The following DPP10 variants were observed in gnomAD, a reference collection of about 807,000 sequenced individuals.
DPP10 encodes inactive dipeptidyl peptidase 10.
A neutral mutation model predicts 120.9 loss-of-function variants in DPP10; 33 were observed. That is an observed-to-expected ratio of 0.27 (90% CI 0.21 to 0.37). The LOEUF (loss-of-function observed/expected upper bound fraction) is 0.37, where lower values mean the gene tolerates loss of function less well. Ranked by LOEUF, DPP10 falls within the 10% of genes least tolerant of loss-of-function variation. DPP10 has a pLI of 1.00. For synonymous variants in DPP10, 337 were observed against 326.1 expected (o/e 1.03, Z -0.36); for missense variants, 816 against 942.8 (o/e 0.87, Z 1.76).
chr2:115,691,902 G>A (rs1643677861), intron 7 of DPP10, among the ~76,000 whole-genome samples: 1 of 151,954 alleles, frequency 6.6e-6, no homozygotes, highest in African/African-American at 2.4e-5. Flanking sequence ...TCTTTTAAGT[G>A]CTTGCATTTC....
chr2:114,742,163 T>A (rs1011822503), intron 1 of DPP10, among the ~76,000 whole-genome samples: 1 of 152,076 alleles, frequency 6.6e-6, no homozygotes, highest in Non-Finnish European at 1.5e-5. Context: ...TTTCATGGAG[T>A]CACATTTGCA....
chr2:115,183,946 T>G (rs2054254031), intron 1 of DPP10, among the ~76,000 whole-genome samples: 1 of 152,102 alleles, frequency 6.6e-6, no homozygotes, highest in Admixed American at 6.6e-5. Context: ...GAACGCTAGT[T>G]GCAGAGCTCC....
chr2:115,638,042 G>T (rs2086493156), intron 5 of DPP10, among the ~76,000 whole-genome samples: 1 of 152,110 alleles, frequency 6.6e-6, no homozygotes, highest in Admixed American at 6.6e-5. Context: ...TAAAATCTTT[G>T]GAATGCAAAG....
intron 1 of DPP10, among the ~76,000 whole-genome samples, chr2:115,105,852 A>T (rs1470254896): frequency 6.6e-6 from 1 of 152,236 alleles, no homozygotes; most frequent in Non-Finnish European, 1.5e-5. Flanking sequence ...TAATTACACA[A>T]ATTTTCAGTG....
At chr2:114,947,367 C>T (rs770926588) in intron 1 of DPP10, among the ~76,000 whole-genome samples, 3 of 150,082 alleles carry the variant, frequency 2.0e-5, no homozygotes, top group Non-Finnish European at 3.0e-5. Context: ...TTTTTTCCAT[C>T]GATGAATCTC....
At chr2:115,434,847 C>T (rs2071341124) in intron 3 of DPP10, among the ~76,000 whole-genome samples, 2 of 151,776 alleles carry the variant, frequency 1.3e-5, no homozygotes, top group South Asian at 4.1e-4. Flanking sequence ...ATACCCTTCC[C>T]AGCCTCTGAT....
intron 1 of DPP10, among the ~76,000 whole-genome samples, chr2:114,753,448 G>A (rs1307139942): frequency 2.6e-5 from 4 of 152,152 alleles, no homozygotes; most frequent in Non-Finnish European, 2.9e-5. Flanking sequence ...AGTGATCGCT[G>A]TGAGGATTAA....
At chr2:115,205,580 A>G (rs1271835947) in intron 1 of DPP10, among the ~76,000 whole-genome samples, 4 of 152,168 alleles carry the variant, frequency 2.6e-5, no homozygotes, top group African/African-American at 9.7e-5. Flanking sequence ...GTGCATATGT[A>G]TATTCATCAC....
chr2:114,923,099 A>T (rs1695320445), intron 1 of DPP10, among the ~76,000 whole-genome samples: 1 of 152,148 alleles, frequency 6.6e-6, no homozygotes, highest in Non-Finnish European at 1.5e-5. Flanking sequence ...TTGTTAAATT[A>T]TAAGAGTTCT....
intron 3 of DPP10, among the ~76,000 whole-genome samples, chr2:115,378,058 A>G (rs2065958414): frequency 6.6e-6 from 1 of 151,956 alleles, no homozygotes; most frequent in Admixed American, 6.5e-5. Flanking sequence ...TTCCATATGA[A>G]CTTTAAAGTA....
intron 1 of DPP10, among the ~76,000 whole-genome samples, chr2:114,464,456 G>A (rs1048463407): frequency 7.9e-5 from 12 of 151,948 alleles, no homozygotes; most frequent in African/African-American, 2.7e-4. Flanking sequence ...TTTTCTTATT[G>A]TTGATTTGTA....
At chr2:114,956,522 C>A (rs182438247) in intron 1 of DPP10, among the ~76,000 whole-genome samples, 1 of 146,260 alleles carries the variant, frequency 6.8e-6, no homozygotes, top group Non-Finnish European at 1.5e-5. Context: ...TCCATCCTAC[C>A]CAAAGTGATC....
intron 1 of DPP10, among the ~76,000 whole-genome samples, chr2:115,100,086 A>G (rs1035988592): frequency 6.6e-6 from 1 of 152,144 alleles, no homozygotes; most frequent in African/African-American, 2.4e-5. Context: ...ATTTAATACA[A>G]TGAACGTGCC....
At chr2:115,033,921 C>T (rs1219132805) in intron 1 of DPP10, among the ~76,000 whole-genome samples, 3 of 100,340 alleles carry the variant, frequency 3.0e-5, no homozygotes, top group African/African-American at 3.9e-5. Flanking sequence ...TTTTTTGAGA[C>T]GGAGTCTTGC....
intron 3 of DPP10, among the ~76,000 whole-genome samples, chr2:115,490,995 G>T (rs569830227): frequency 1.3e-5 from 2 of 152,164 alleles, no homozygotes; most frequent in Admixed American, 6.5e-5. Context: ...ACTCACACCT[G>T]TAGTCTCAGC....
intron 12 of DPP10, among the ~76,000 whole-genome samples, chr2:115,766,878 A>T (rs1034200246): frequency 6.6e-6 from 1 of 152,162 alleles, no homozygotes; most frequent in Non-Finnish European, 1.5e-5. Flanking sequence ...GACAGCACCC[A>T]GCGGTTACTG....
chr2:114,802,756 C>A (rs1236997665), intron 1 of DPP10, among the ~76,000 whole-genome samples: 2 of 152,092 alleles, frequency 1.3e-5, no homozygotes, highest in African/African-American at 4.8e-5. Flanking sequence ...ATGCTCTCAC[C>A]AAGGAGAGAA....
At chr2:115,306,924 G>C (rs1341755979) in intron 1 of DPP10, among the ~76,000 whole-genome samples, 1 of 151,932 alleles carries the variant, frequency 6.6e-6, no homozygotes, top group Non-Finnish European at 1.5e-5. Context: ...GTTATGTATG[G>C]GTCCAAATAA....
intron 13 of DPP10, among the ~76,000 whole-genome samples, chr2:115,774,130 G>A (rs939471437): frequency 1.3e-5 from 2 of 151,566 alleles, no homozygotes; most frequent in African/African-American, 4.8e-5. Context: ...TTTATACTGT[G>A]TTCAAACATT....
Sources: allele counts gnomAD v4.1 joint callset (sites outside exome capture counted in the v4.1 genomes callset), GRCh38; gene constraint gnomAD v4.1.1; transcripts MANE v1.5; gene names NCBI Gene and HGNC (gene_info 2026-07-23, HGNC 2026-07-21).